The following EMC3 variants were observed in gnomAD, a reference collection of about 807,000 sequenced individuals.
The protein encoded by EMC3 is ER membrane protein complex subunit 3.
EMC3 carries 13 observed loss-of-function variants against 36.6 expected under a neutral mutation model. The observed-to-expected ratio is 0.35, with a 90% CI of 0.23 to 0.56. The LOEUF (loss-of-function observed/expected upper bound fraction) is 0.56. EMC3 is among the 20% of genes least tolerant of loss of function. The pLI, the probability that EMC3 is intolerant of heterozygous loss-of-function variation, is 0.84. For missense variants in EMC3, 220 were observed against 324.5 expected (o/e 0.68, Z 2.47); for synonymous variants, 120 against 111.9 (o/e 1.07, Z -0.46).
At position 9,964,148 on chromosome 3, in the gene EMC3, T is replaced by C. The variant is rs752896682; in HGVS notation, c.707A>G (p.Asp236Gly). The change falls in exon 8 of 8, where the codon GAT (aspartate) becomes GGT (glycine). Residue 236 changes from aspartate (D) to glycine (G), a missense_variant. Transcript: ENST00000245046. The part of the protein sequence containing the change: ...ELTDHQWALD[D>G]VEEELMAKDL... ...TTTGGCCATGAGCTCTTCTTCGACATCATCTAGTGCCCACTGGTGATCCGT... is the reference window on the plus strand; with the variant it reads ...TTTGGCCATGAGCTCTTCTTCGACACCATCTAGTGCCCACTGGTGATCCGT... The C allele has an allele frequency of 3.1e-6, 5 of 1,614,172 alleles. No homozygotes were observed. The highest frequency in any genetic ancestry group is 4.2e-6 in the Non-Finnish European group (5 of 1,180,036).
At chr3:9,994,824 G>A (rs1256348643) in intron 1 of EMC3, among the ~76,000 whole-genome samples, 1 of 151,990 alleles carries the variant, frequency 6.6e-6, no homozygotes, top group Non-Finnish European at 1.5e-5. Flanking sequence ...CACCTGCCTC[G>A]CCCTCCCAAA....
At chr3:9,968,484 C>A (rs1266955930) in intron 7 of EMC3, among the ~76,000 whole-genome samples, 1 of 152,146 alleles carries the variant, frequency 6.6e-6, no homozygotes, top group Non-Finnish European at 1.5e-5. Flanking sequence ...TCTTGCCTAA[C>A]TGCCCTGGCT....
intron 1 of EMC3, among the ~76,000 whole-genome samples, chr3:9,982,118 T>G (rs2085918056): frequency 6.6e-6 from 1 of 151,170 alleles, no homozygotes; most frequent in South Asian, 2.1e-4. Context: ...CCCAGCTAAT[T>G]TTTGTATTTT....
intron 1 of EMC3, among the ~76,000 whole-genome samples, chr3:10,006,026 A>T (rs1221177653): frequency 6.6e-6 from 1 of 152,232 alleles, no homozygotes; most frequent in Non-Finnish European, 1.5e-5. Flanking sequence ...CATTCTTGCC[A>T]GTACACCTGC....
chr3:10,003,096 C>T (rs1441580500), intron 1 of EMC3: 1 of 456,536 alleles, frequency 2.2e-6, no homozygotes, highest in Non-Finnish European at 4.4e-6. Flanking sequence ...GCAACAGCAG[C>T]AGTGGTGCAG....
At chr3:9,986,204 C>A (rs967603779) in intron 1 of EMC3, among the ~76,000 whole-genome samples, 1 of 152,188 alleles carries the variant, frequency 6.6e-6, no homozygotes, top group Non-Finnish European at 1.5e-5. Flanking sequence ...TAGGTAAACC[C>A]ACCGAGGGTC....
chr3:9,986,796 T>G lies in EMC3; in HGVS notation c.-135A>C. The G allele has an allele frequency of 6.8e-7, 1 of 1,462,340 alleles. No individual in the cohort carries two copies. The highest frequency in any genetic ancestry group is 1.4e-5 in the African/African-American group (1 of 70,748). 90.6% of individuals were successfully genotyped at this position (1,462,340 alleles called of 1,614,324 possible). ...GTACCCCAGAACTCTCCTGCGACTG[T>G]GAGCCGAGCTTACTGCCTTCAGCTG... On this transcript the variant is annotated 5_prime_UTR_variant, in exon 1 of 8. Transcript: ENST00000245046.
intron 1 of EMC3, chr3:9,992,861 T>C: frequency 2.8e-6 from 4 of 1,420,074 alleles, no homozygotes; most frequent in Non-Finnish European, 4.0e-6. Flanking sequence ...TTTTCTATTA[T>C]TGCATATTTA....
At chr3:9,965,416 CGATAGATA>C (rs57264688) in intron 7 of EMC3, among the ~76,000 whole-genome samples, 6,763 of 145,822 alleles carry the variant, frequency 0.046, 186 homozygotes, top group African/African-American at 0.05. Context: ...GTGAGACCCT[CGATAGATA>C]GATAGATAGA....
chr3:10,001,777 C>T (rs2086203410), intron 1 of EMC3, among the ~76,000 whole-genome samples: 1 of 152,042 alleles, frequency 6.6e-6, no homozygotes, highest in Non-Finnish European at 1.5e-5. Context: ...GCGGGCAGAT[C>T]ACGAGTTCAG....
At chr3:9,966,550 T>C (rs973024902) in intron 7 of EMC3, among the ~76,000 whole-genome samples, 5 of 151,592 alleles carry the variant, frequency 3.3e-5, no homozygotes, top group African/African-American at 1.2e-4. Context: ...GTTTATTTTT[T>C]TGAGACAGAG....
At chr3:9,986,852 C>G, upstream of EMC3, 2 of 1,378,832 alleles carry the variant, frequency 1.5e-6, no homozygotes, top group South Asian at 1.7e-5. Flanking sequence ...CCGGCGCGAA[C>G]GTTGACGTCA....
rs1450913628 is a variant in EMC3, at chr3:9,971,579, G to C, written c.495-918C>G. On this transcript the variant is annotated intron_variant, in intron 5 of 7. Transcript: ENST00000245046. ...AATTGTACACTCAGGTTCCAGTCTC[G>C]CGTCTGTCCATGACTGCATTTCAGT... Among the ~76,000 whole-genome samples, 10 of 152,226 alleles carry C rather than the reference G, an allele frequency of 6.6e-5. No homozygotes were observed. The South Asian group carries it at 1.0e-3, about 16-fold the overall frequency.
rs1559347855 is a variant in EMC3 at position 9,963,464 on chromosome 3, T to TAGATATAG, written c.*604_*605insCTATATCT. ...GCTTCTGCTAAGATAGATATATATA[T>TAGATATAG]ATATATATATATATTTTTTTTTTTT... is the stretch of plus-strand genomic sequence containing the variant. On this transcript the variant is annotated 3_prime_UTR_variant, in exon 8 of 8. Coordinates refer to ENST00000245046, the MANE Select transcript of EMC3 (RefSeq NM_001394674.1). 9.2e-4 allele frequency: 98 copies of TAGATATAG among 106,302 alleles called. 1 individual carries two copies. Among genetic ancestry groups the TAGATATAG allele is most frequent in the African/African-American group, 2.1e-3 (59 of 27,752 alleles). The allele number at this position is 106,302 out of a possible 1,614,324, so 6.6% of individuals were successfully genotyped here. A position where few individuals can be genotyped will look rare whatever the true frequency, so the allele number is the denominator to read the frequency against.
intron 1 of EMC3, among the ~76,000 whole-genome samples, chr3:10,006,260 G>A (rs945883870): frequency 6.6e-6 from 1 of 152,210 alleles, no homozygotes; most frequent in African/African-American, 2.4e-5. Context: ...CAAGAAGCTG[G>A]GGCTGCCGCA....
upstream of EMC3, among the ~76,000 whole-genome samples, chr3:9,989,104 T>G (rs1159174442): frequency 6.6e-6 from 1 of 152,182 alleles, no homozygotes; most frequent in Non-Finnish European, 1.5e-5. Flanking sequence ...TGCCCTTCCT[T>G]CCACCCAGCA....
At chr3:9,972,753 A>G (rs1051751104) in intron 5 of EMC3, among the ~76,000 whole-genome samples, 5 of 151,138 alleles carry the variant, frequency 3.3e-5, no homozygotes, top group African/African-American at 1.2e-4. Flanking sequence ...TGACAGAGTG[A>G]GACTCCGTCT....
chr3:10,007,538 T>C lies in EMC3; in HGVS notation c.-242+3485A>G. The C allele has an allele frequency of 2.2e-6, 3 of 1,367,552 alleles. No individual in the cohort carries two copies. The South Asian group carries it at 3.4e-5, about 16-fold the overall frequency. The allele number at this position is 1,367,552 out of a possible 1,614,324, so 84.7% of individuals were successfully genotyped here. The stretch of plus-strand genomic sequence containing the variant: ...TAACAGTGGCATGAAGCGCTCCCCC[T>C]CAGAGGCCTGACGTAGGAGTGCTTC... On this transcript the variant is annotated intron_variant, in intron 1 of 8. Transcript: ENST00000470827.
intron 1 of EMC3, among the ~76,000 whole-genome samples, chr3:9,977,886 A>G (rs2085866141): frequency 6.6e-6 from 1 of 152,138 alleles, no homozygotes; most frequent in African/African-American, 2.4e-5. Flanking sequence ...GAGGGTTGCT[A>G]TCTGATGGAC....
Sources: allele counts gnomAD v4.1 joint callset (sites outside exome capture counted in the v4.1 genomes callset), GRCh38; gene constraint gnomAD v4.1.1; transcripts MANE v1.5; gene names NCBI Gene and HGNC (gene_info 2026-07-23, HGNC 2026-07-21).